Variants in YAE1 observed in about 807,000 individuals in gnomAD.
The protein encoded by YAE1 is YAE1 maturation factor of ABCE1.
In YAE1, 22 loss-of-function variants were observed where a neutral mutation model predicts 23.0. The observed-to-expected ratio is 0.96, with a 90% CI of 0.68 to 1.37. The LOEUF (loss-of-function observed/expected upper bound fraction) is 1.37, where lower values mean the gene tolerates loss of function less well. YAE1 is among the 40% of genes most tolerant of loss of function. The probability of loss-of-function intolerance (pLI) is 0.00; values close to 1 mark genes in which losing one functional copy is unlikely to be tolerated. For synonymous variants in YAE1, 101 were observed against 97.0 expected, an observed-to-expected ratio of 1.04 and a Z score of -0.24; for missense variants, 260 against 262.1, an observed-to-expected ratio of 0.99 and a Z score of 0.06.
intron 2 of YAE1, among the ~76,000 whole-genome samples, chr7:39,587,445 C>G (rs1254426021): frequency 1.3e-5 from 2 of 152,090 alleles, no homozygotes; most frequent in African/African-American, 4.8e-5. Flanking sequence ...CACCCTTGTA[C>G]TATTACACCT....
At chr7:39,611,484 A>G (rs1280106942), downstream of YAE1, among the ~76,000 whole-genome samples, 1 of 152,222 alleles carries the variant, frequency 6.6e-6, no homozygotes, top group African/African-American at 2.4e-5. Context: ...CTCCCCTGGC[A>G]CTGCTAGTTG....
At chr7:39,589,779 G>T (rs1314563495) in intron 2 of YAE1, among the ~76,000 whole-genome samples, 1 of 152,120 alleles carries the variant, frequency 6.6e-6, no homozygotes, top group African/African-American at 2.4e-5. Context: ...ACTTATGAAG[G>T]GCAATTCCAG....
At position 39,600,686 on chromosome 7, in the gene YAE1, C is replaced by T. The variant is rs1036345002; in HGVS notation, c.252-8931C>T. Among the ~76,000 whole-genome samples the T allele has an allele frequency of 3.3e-5, 5 of 152,264 alleles. No homozygotes were observed. The East Asian group carries it at 7.7e-4, about 23-fold the overall frequency. On this transcript the variant is annotated intron_variant, in intron 2 of 2. Transcript: ENST00000432096. The stretch of plus-strand genomic sequence containing the variant: ...TGTTGGGATTACAGGTGTGAGCCAC[C>T]GCCCCTGGCCTGCTGTTTTTATTAA...
At chr7:39,576,958 A>T (rs1049484264), downstream of YAE1, among the ~76,000 whole-genome samples, 5 of 152,268 alleles carry the variant, frequency 3.3e-5, no homozygotes, top group African/African-American at 1.2e-4. Flanking sequence ...GCAATGGCGC[A>T]ATCTCGGCTC....
rs375853820 is a variant in YAE1 at position 39,566,406 on chromosome 7, A to C, written c.-13A>C. On this transcript the variant is annotated 5_prime_UTR_variant, in exon 1 of 3. Transcript: ENST00000223273. ...CGCTTCCGGTGGCCTGCGACCCCGT[A>C]ATTGCCTCGGTGATGTCGTGGGTTC... 1 of 1,611,806 alleles carries C rather than the reference A, an allele frequency of 6.2e-7. No individual in the cohort carries two copies. The highest frequency in any genetic ancestry group is 1.1e-5 in the South Asian group (1 of 90,984).
chr7:39,584,968 G>T lies in YAE1; in HGVS notation c.251+14341G>T, dbSNP rs549299044. Among the ~76,000 whole-genome samples, 10 of 152,270 alleles carry T rather than the reference G, an allele frequency of 6.6e-5. No homozygotes were observed. The South Asian group carries it at 1.9e-3, about 28-fold the overall frequency. ...AAAACTCCATTTAACCCAAAACAAAGTGCCTCAGTTCCTTGCATGTCCTGC... is the reference window on the plus strand; with the variant it reads ...AAAACTCCATTTAACCCAAAACAAATTGCCTCAGTTCCTTGCATGTCCTGC... On this transcript the variant is annotated intron_variant, in intron 2 of 2. Transcript: ENST00000432096.
chr7:39,596,363 A>AGCCTCCC (rs1790973363), intron 2 of YAE1, among the ~76,000 whole-genome samples: 1 of 151,902 alleles, frequency 6.6e-6, no homozygotes. Context: ...CCAGCCTCCC[A>AGCCTCCC]AATAGCTGGG....
chr7:39,584,104 C>T (rs17171605), intron 2 of YAE1, among the ~76,000 whole-genome samples: 1 of 152,204 alleles, frequency 6.6e-6, no homozygotes, highest in East Asian at 1.9e-4. Flanking sequence ...TCTGGCAGAA[C>T]TAAAGGTAAT....
chr7:39,602,730 T>TTTTGTTTG (rs146264281), intron 2 of YAE1, among the ~76,000 whole-genome samples: 1 of 151,284 alleles, frequency 6.6e-6, no homozygotes, highest in Non-Finnish European at 1.5e-5. Context: ...AAGTTTGGTT[T>TTTTGTTTG]TTTGTTTGTT....
chr7:39,586,219 C>A (rs1426110764), intron 2 of YAE1, among the ~76,000 whole-genome samples: 1 of 150,234 alleles, frequency 6.7e-6, no homozygotes, highest in Non-Finnish European at 1.5e-5. Flanking sequence ...GTCGCCCAGG[C>A]TGGAGTGCAG....
At chr7:39,606,696 AC>A (rs1197756979) in intron 2 of YAE1, among the ~76,000 whole-genome samples, 2 of 69,862 alleles carry the variant, frequency 2.9e-5, no homozygotes, top group South Asian at 8.1e-4. Flanking sequence ...CAGACTTAAT[AC>A]CAAAAAAGCA....
exon 3 of YAE1, chr7:39,609,731 G>C: frequency 6.5e-7 from 1 of 1,535,494 alleles, no homozygotes; most frequent in Non-Finnish European, 8.7e-7. Flanking sequence ...CGAGCGGGGC[G>C]ACACCGAAGC....
At chr7:39,611,127 G>A (rs1791208507), downstream of YAE1, among the ~76,000 whole-genome samples, 1 of 151,216 alleles carries the variant, frequency 6.6e-6, no homozygotes, top group Non-Finnish European at 1.5e-5. Context: ...TAGCCTCGGT[G>A]ACAGAGTAAG....
intron 2 of YAE1, among the ~76,000 whole-genome samples, chr7:39,599,166 G>A (rs924860807): frequency 6.6e-6 from 1 of 152,004 alleles, no homozygotes; most frequent in Non-Finnish European, 1.5e-5. Flanking sequence ...CTTGAACCCA[G>A]GAGGCACAGG....
chr7:39,594,744 G>A (rs757855769), intron 2 of YAE1, among the ~76,000 whole-genome samples: 8 of 151,844 alleles, frequency 5.3e-5, no homozygotes, highest in Non-Finnish European at 1.0e-4. Context: ...ACATGTGCCC[G>A]CCACCATGCC....
At chr7:39,607,904 T>A (rs1030884291) in intron 2 of YAE1, among the ~76,000 whole-genome samples, 1 of 152,182 alleles carries the variant, frequency 6.6e-6, no homozygotes, top group African/African-American at 2.4e-5. Flanking sequence ...CCTGACCTCA[T>A]GTGATCCACC....
At chr7:39,581,933 A>T (rs868787771) in intron 2 of YAE1, among the ~76,000 whole-genome samples, 3 of 150,172 alleles carry the variant, frequency 2.0e-5, no homozygotes, top group Non-Finnish European at 3.0e-5. Context: ...GTAAAAGTTA[A>T]TTTTTTTTTT....
At chr7:39,589,399 CT>C (rs1046532807) in intron 2 of YAE1, among the ~76,000 whole-genome samples, 1 of 152,072 alleles carries the variant, frequency 6.6e-6, no homozygotes, top group African/African-American at 2.4e-5. Flanking sequence ...TCCCAAGTAG[CT>C]GGGACTACAG....
intron 2 of YAE1, among the ~76,000 whole-genome samples, chr7:39,593,177 C>CTTTTTTTTTTTTTTTTTTTTTT (rs56303591): frequency 2.8e-5 from 2 of 72,112 alleles, no homozygotes; most frequent in Non-Finnish European, 4.6e-5. Context: ...TTGGTTATTT[C>CTTTTTTTTTTTTTTTTTTTTTT]TTTTTTTTTT....
Sources: allele counts gnomAD v4.1 joint callset (sites outside exome capture counted in the v4.1 genomes callset), GRCh38; gene constraint gnomAD v4.1.1; transcripts MANE v1.5; gene names NCBI Gene and HGNC (gene_info 2026-07-23, HGNC 2026-07-21).